The following YWHAQ variants were observed in gnomAD, a reference collection of about 807,000 sequenced individuals.
YWHAQ encodes the protein tyrosine 3-monooxygenase/tryptophan 5-monooxygenase activation protein theta.
YWHAQ carries 6 observed loss-of-function variants against 28.3 expected under a neutral mutation model. That is an observed-to-expected ratio of 0.21 (90% CI 0.12 to 0.42). The LOEUF is 0.42. Ranked by LOEUF, YWHAQ falls within the 10% of genes least tolerant of loss-of-function variation. The pLI is 1.00. For missense variants in YWHAQ, 201 were observed against 305.6 expected (o/e 0.66, Z 2.55); for synonymous variants, 143 against 119.1 (o/e 1.20, Z -1.31).
chr2:9,594,419 G>A (rs149924416), intron 2 of YWHAQ, among the ~76,000 whole-genome samples: 1 of 152,210 alleles, frequency 6.6e-6, no homozygotes, highest in African/African-American at 2.4e-5. Context: ...AGGAGGGTAG[G>A]AGGCAATAGT....
chr2:9,614,331 G>C (rs1176134533), intron 2 of YWHAQ, among the ~76,000 whole-genome samples: 2 of 152,150 alleles, frequency 1.3e-5, no homozygotes, highest in Admixed American at 1.3e-4. Context: ...AAACGCCAAA[G>C]TCTATACACA....
chr2:9,614,097 T>C (rs1277707503), intron 2 of YWHAQ, among the ~76,000 whole-genome samples: 1 of 152,194 alleles, frequency 6.6e-6, no homozygotes, highest in Non-Finnish European at 1.5e-5. Flanking sequence ...TATCCCCACA[T>C]TTTAGAAGCT....
Position 9,588,189 on chromosome 2 carries a change from C to T in YWHAQ, c.558G>A (p.Glu186=), listed in dbSNP as rs751488523. ...VFYYEILNNP[E]LACTLAKTAF... ...CCGTTTTAGCCAGCGTGCAGGCAAGCTCTGGGTTATTAAGAATCTCATAGT... is the reference window on the plus strand; with the variant it reads ...CCGTTTTAGCCAGCGTGCAGGCAAGTTCTGGGTTATTAAGAATCTCATAGT... The change falls in exon 4 of 6, where the codon GAG becomes GAA. Residue 186 remains glutamate, a synonymous_variant. Coordinates refer to ENST00000238081, the MANE Select transcript of YWHAQ (RefSeq NM_006826.4). The T allele has an allele frequency of 1.3e-6, 2 of 1,586,458 alleles. No individual in the cohort carries two copies. The highest frequency in any genetic ancestry group is 1.7e-6 in the Non-Finnish European group (2 of 1,171,546).
chr2:9,608,894 T>C (rs1351391195), intron 2 of YWHAQ, among the ~76,000 whole-genome samples: 3 of 152,154 alleles, frequency 2.0e-5, no homozygotes, highest in African/African-American at 4.8e-5. Context: ...TGAGCTGAGA[T>C]TGTACCACTG....
At chr2:9,604,972 G>C (rs954784170) in intron 2 of YWHAQ, among the ~76,000 whole-genome samples, 2 of 152,056 alleles carry the variant, frequency 1.3e-5, no homozygotes, top group Non-Finnish European at 2.9e-5. Context: ...GCCATGGCCT[G>C]GCAACATGTT....
Position 9,630,477 on chromosome 2 carries a change from G to T in YWHAQ, c.-25C>A, listed in dbSNP as rs778766840. 1 of 1,570,604 alleles carries T rather than the reference G, an allele frequency of 6.4e-7. No individual in the cohort carries two copies. The highest frequency in any genetic ancestry group is 1.1e-5 in the South Asian group (1 of 86,986). ...TGGCGGGCGCGGGGCCGGGGCCGGG[G>T]CGGAGGGCGAGGAGAGCGAGGGCGA... is the stretch of plus-strand genomic sequence containing the variant. On this transcript the variant is annotated 5_prime_UTR_variant, in exon 2 of 6. Coordinates refer to ENST00000238081, the MANE Select transcript of YWHAQ (RefSeq NM_006826.4). The surrounding 1 kb of genome is among the most constrained non-coding windows in gnomAD (Gnocchi z 5.6).
At chr2:9,627,794 C>G (rs1445415746) in intron 2 of YWHAQ, among the ~76,000 whole-genome samples, 1 of 152,176 alleles carries the variant, frequency 6.6e-6, no homozygotes, top group Non-Finnish European at 1.5e-5. Flanking sequence ...CAACTCTGCA[C>G]ATGAACTCTG....
chr2:9,617,152 C>T (rs372573022), intron 2 of YWHAQ, among the ~76,000 whole-genome samples: 1 of 149,422 alleles, frequency 6.7e-6, no homozygotes, highest in African/African-American at 2.5e-5. Flanking sequence ...TTAGTAGAGA[C>T]GGGGTTTCAC....
intron 2 of YWHAQ, among the ~76,000 whole-genome samples, chr2:9,606,204 C>T (rs957569873): frequency 3.3e-5 from 5 of 152,266 alleles, no homozygotes; most frequent in Middle Eastern, 6.8e-3. Flanking sequence ...AATTTATACT[C>T]CCACTAGCAA....
At chr2:9,616,120 A>G (rs1451502696) in intron 2 of YWHAQ, among the ~76,000 whole-genome samples, 1 of 152,232 alleles carries the variant, frequency 6.6e-6, no homozygotes, top group Non-Finnish European at 1.5e-5. Context: ...CAACTTGGCT[A>G]GAACACAGGA....
intron 3 of YWHAQ, among the ~76,000 whole-genome samples, chr2:9,589,655 T>C (rs1666419753): frequency 6.6e-6 from 1 of 152,196 alleles, no homozygotes; most frequent in Non-Finnish European, 1.5e-5. Context: ...ACAAAGATCA[T>C]CAACACCAAA....
intron 2 of YWHAQ, among the ~76,000 whole-genome samples, chr2:9,611,641 T>C (rs2125070000): frequency 6.6e-6 from 1 of 152,292 alleles, no homozygotes; most frequent in South Asian, 2.1e-4. Flanking sequence ...TATTTTGAAA[T>C]ATGTATATCT....
chr2:9,589,036 C>T (rs13024142), intron 3 of YWHAQ, among the ~76,000 whole-genome samples: 24,698 of 151,692 alleles, frequency 0.16, 2,629 homozygotes, highest in Middle Eastern at 0.24. Flanking sequence ...GTGGGAGGAC[C>T]CCTTGAGCCC....
intron 2 of YWHAQ, among the ~76,000 whole-genome samples, chr2:9,610,155 T>C (rs971629905): frequency 6.6e-6 from 1 of 152,190 alleles, no homozygotes; most frequent in African/African-American, 2.4e-5. Flanking sequence ...GAAGAAAATG[T>C]TTCACTAGAA....
intron 2 of YWHAQ, among the ~76,000 whole-genome samples, chr2:9,601,739 G>A (rs1380455273): frequency 5.3e-5 from 8 of 152,020 alleles, no homozygotes; most frequent in South Asian, 2.1e-4. Context: ...TCTGCCTCCC[G>A]GGTTCAAGCG....
chr2:9,607,622 T>C (rs1047615354), intron 2 of YWHAQ, among the ~76,000 whole-genome samples: 3 of 152,074 alleles, frequency 2.0e-5, no homozygotes, highest in Non-Finnish European at 2.9e-5. Flanking sequence ...GAGGAGACTT[T>C]TAGTTGAAAT....
rs185008560 is a variant in YWHAQ at position 9,588,871 on chromosome 2, G to A, written c.419-543C>T. Among the ~76,000 whole-genome samples, 5 of 152,332 alleles carry A rather than the reference G, an allele frequency of 3.3e-5. No homozygotes were observed. The East Asian group carries it at 9.6e-4, about 29-fold the overall frequency. On this transcript the variant is annotated intron_variant, in intron 3 of 5. Coordinates refer to ENST00000238081, the MANE Select transcript of YWHAQ (RefSeq NM_006826.4). ...GCCTCTAATCCCAACACTTTGGGAA[G>A]GTGAGGCAGGGGGATCACTTGAACC... is the stretch of plus-strand genomic sequence containing the variant.
intron 2 of YWHAQ, among the ~76,000 whole-genome samples, chr2:9,613,592 A>T (rs564504208): frequency 6.6e-6 from 1 of 152,228 alleles, no homozygotes; most frequent in Non-Finnish European, 1.5e-5. Flanking sequence ...GACTCTAAAT[A>T]CAAAGAGAAG....
chr2:9,621,825 G>C (rs770857953), intron 2 of YWHAQ, among the ~76,000 whole-genome samples: 2 of 151,922 alleles, frequency 1.3e-5, no homozygotes, highest in Non-Finnish European at 2.9e-5. Context: ...AAGAAAATGT[G>C]GCATATATAC....
Sources: gnomAD v4.1 joint callset for allele counts (sites outside exome capture counted in the v4.1 genomes callset) on GRCh38, gnomAD v4.1.1 for gene constraint, Gnocchi (gnomAD v3.1) non-coding constraint, MANE v1.5 for transcripts, NCBI Gene and HGNC (gene_info 2026-07-23, HGNC 2026-07-21) for gene names.